Variants in PDS5B observed in about 807,000 individuals in gnomAD.
The protein encoded by PDS5B is sister chromatid cohesion protein PDS5 homolog B.
Under a neutral mutation model 184.1 loss-of-function variants are expected in PDS5B, and 51 were observed. That is an observed-to-expected ratio of 0.28 (90% CI 0.22 to 0.35). The LOEUF (loss-of-function observed/expected upper bound fraction) is 0.35, where lower values mean the gene tolerates loss of function less well. Ranked by LOEUF, PDS5B falls within the 10% of genes least tolerant of loss-of-function variation. The pLI is 1.00. For synonymous variants in PDS5B, 566 were observed against 569.2 expected (o/e 0.99, Z 0.08); for missense variants, 1,180 against 1,723.3 (o/e 0.68, Z 5.58).
intron 10 of PDS5B, among the ~76,000 whole-genome samples, chr13:32,681,711 G>A (rs893081636): frequency 6.0e-5 from 9 of 150,970 alleles, no homozygotes; most frequent in Admixed American, 4.0e-4. Flanking sequence ...CATATACCCT[G>A]TTCCATTTTA....
intron 1 of PDS5B, among the ~76,000 whole-genome samples, chr13:32,628,405 G>A (rs925428733): frequency 2.0e-5 from 3 of 151,862 alleles, no homozygotes; most frequent in East Asian, 3.9e-4. Context: ...AATACAAGCC[G>A]GATGTGGTGG....
At chr13:32,722,326 C>CCGTGGAA (rs1952745906) in intron 19 of PDS5B, among the ~76,000 whole-genome samples, 1 of 152,204 alleles carries the variant, frequency 6.6e-6, no homozygotes, top group South Asian at 2.1e-4. Context: ...GCCTCGGCAA[C>CCGTGGAA]AGAGGGAGAC....
intron 1 of PDS5B, among the ~76,000 whole-genome samples, chr13:32,609,543 C>T (rs1340192333): frequency 6.6e-6 from 1 of 152,132 alleles, no homozygotes; most frequent in African/African-American, 2.4e-5. Flanking sequence ...TGCTTTCATT[C>T]ATTTATTCTG....
chr13:32,762,221 C>T (rs1020969379), intron 30 of PDS5B, among the ~76,000 whole-genome samples: 3 of 152,104 alleles, frequency 2.0e-5, no homozygotes, highest in Non-Finnish European at 2.9e-5. Flanking sequence ...GCTTAGGGCA[C>T]GATTTGTTAG....
chr13:32,685,649 TCTTA>T (rs1180419198), intron 11 of PDS5B, among the ~76,000 whole-genome samples: 2 of 152,202 alleles, frequency 1.3e-5, no homozygotes, highest in Admixed American at 1.3e-4. Context: ...CAAATTGAAG[TCTTA>T]CTTATTTTTT....
At chr13:32,741,699 CTGTGTGTGTGTGTGTGTGTGTGTGTGTG>C (rs3050179) in intron 22 of PDS5B, among the ~76,000 whole-genome samples, 1 of 139,176 alleles carries the variant, frequency 7.2e-6, no homozygotes, top group Non-Finnish European at 1.6e-5. Flanking sequence ...CCCTTTCAGT[CTGTGTGTGTGTGTGTGTGTGTGTGTGTG>C]TGTGTGTGTG....
chr13:32,770,319 T>G lies in PDS5B; in HGVS notation c.3823T>G (p.Leu1275Val). 1 of 1,612,706 alleles carries G rather than the reference T, an allele frequency of 6.2e-7. No homozygotes were observed. Among genetic ancestry groups the G allele is most frequent in the Non-Finnish European group, 8.5e-7 (1 of 1,179,640 alleles). Residue 1275 changes from leucine (L) to valine (V), a missense_variant, in exon 32 of 35, where the codon TTA (leucine) becomes GTA (valine). Physicochemically the swap from Leu to Val is conservative, Grantham distance 32 (BLOSUM62 1). This residue lies in a region of PDS5B where 465 missense variants were observed against 497.8 expected (regional missense o/e 0.93). Coordinates refer to ENST00000315596, the MANE Select transcript of PDS5B (RefSeq NM_015032.4). ...GGAAAAGAGGCTCAAAGAAGATATA[T>G]TAGAAAATGAAGATGAACAGAATAG... ...PEEKRLKEDI[L>V]ENEDEQNSPP...
chr13:32,629,239 T>A (rs975472418), intron 1 of PDS5B, among the ~76,000 whole-genome samples: 15 of 152,332 alleles, frequency 9.8e-5, no homozygotes, highest in African/African-American at 3.6e-4. Context: ...GTTTGAAGAA[T>A]CATTGCTCCG....
intron 19 of PDS5B, among the ~76,000 whole-genome samples, chr13:32,728,799 A>C (rs1952999460): frequency 6.6e-6 from 1 of 152,192 alleles, no homozygotes; most frequent in South Asian, 2.1e-4. Context: ...CTGGGCATTT[A>C]AGGCAGGAGA....
At chr13:32,640,756 TA>T (rs2058646855) in intron 1 of PDS5B, among the ~76,000 whole-genome samples, 1 of 151,270 alleles carries the variant, frequency 6.6e-6, no homozygotes, top group Non-Finnish European at 1.5e-5. Flanking sequence ...GAGAAACTCA[TA>T]AATCAGCACA....
intron 33 of PDS5B, among the ~76,000 whole-genome samples, 166 bp from the exon 34 acceptor site, chr13:32,773,023 T>G (rs550925991): frequency 1.3e-4 from 20 of 152,336 alleles, no homozygotes; most frequent in African/African-American, 4.6e-4. Flanking sequence ...CATTCTATGA[T>G]TAAATGCTGG....
At position 32,696,718 on chromosome 13, in the gene PDS5B, T is replaced by C. The variant is rs1052930260; in HGVS notation, c.1552-136T>C. On this transcript the variant is annotated intron_variant, in intron 14 of 34. Coordinates refer to ENST00000315596, the MANE Select transcript of PDS5B (RefSeq NM_015032.4). ...TTATCTAGAGTTTAATAAAAATAGATGAAGAAGGTGACAGTAGTGGTAAGA... is the reference window on the plus strand; with the variant it reads ...TTATCTAGAGTTTAATAAAAATAGACGAAGAAGGTGACAGTAGTGGTAAGA... The C allele has an allele frequency of 4.8e-5, 31 of 641,054 alleles. No homozygotes were observed. In the African/African-American group the frequency reaches 5.3e-4, roughly 11 times the overall value. 39.7% of individuals were successfully genotyped at this position (641,054 alleles called of 1,614,324 possible).
Position 32,642,540 on chromosome 13 carries a change from G to A in PDS5B, c.-19-6214G>A, listed in dbSNP as rs76837553. Among the ~76,000 whole-genome samples the A allele has an allele frequency of 2.2e-3, 340 of 152,272 alleles. 8 individuals carry two copies. In the East Asian group the frequency reaches 0.055, roughly 25 times the overall value. ...GAGTTTGCTTAGTAGACAAGGGCCA[G>A]TATGTTTTACTCATAGGAAAAACAA... On this transcript the variant is annotated intron_variant, in intron 1 of 34. Transcript: ENST00000315596.
intron 25 of PDS5B, among the ~76,000 whole-genome samples, chr13:32,754,843 T>G (rs912046524): frequency 6.6e-6 from 1 of 152,208 alleles, no homozygotes; most frequent in Non-Finnish European, 1.5e-5. Context: ...ACCTTTCACA[T>G]TGAAGTGTAG....
At chr13:32,695,750 T>G (rs935294288) in intron 14 of PDS5B, among the ~76,000 whole-genome samples, 7 of 152,058 alleles carry the variant, frequency 4.6e-5, no homozygotes, top group African/African-American at 1.7e-4. Context: ...TAGTTGGAGC[T>G]TCTTCATTTT....
chr13:32,588,211 A>C (rs1425791949), intron 1 of PDS5B, among the ~76,000 whole-genome samples: 2 of 152,236 alleles, frequency 1.3e-5, no homozygotes, highest in Non-Finnish European at 2.9e-5. Context: ...TGCAACAATT[A>C]ATCTTGTATC....
chr13:32,764,916 T>C (rs1407938519), intron 31 of PDS5B, among the ~76,000 whole-genome samples: 1 of 152,098 alleles, frequency 6.6e-6, no homozygotes. Flanking sequence ...TTTGTTAACA[T>C]AGGATATTTA....
chr13:32,593,789 GAGA>G (rs1432790040), intron 1 of PDS5B, among the ~76,000 whole-genome samples: 3 of 152,154 alleles, frequency 2.0e-5, no homozygotes, highest in African/African-American at 7.2e-5. Flanking sequence ...ATAGGTTGAG[GAGA>G]AGGAGGAAAA....
intron 1 of PDS5B, among the ~76,000 whole-genome samples, chr13:32,621,009 A>G (rs1266487270): frequency 6.6e-6 from 1 of 152,280 alleles, no homozygotes; most frequent in African/African-American, 2.4e-5. Flanking sequence ...GGTTATGGCT[A>G]TAATGGAAAA....
Sources: allele counts gnomAD v4.1 joint callset (sites outside exome capture counted in the v4.1 genomes callset), GRCh38; gene constraint gnomAD v4.1.1; regional missense constraint gnomAD v4.1.1; transcripts MANE v1.5; gene names NCBI Gene and HGNC (gene_info 2026-07-23, HGNC 2026-07-21).